The following TET1 variants were observed in gnomAD, a reference collection of about 807,000 sequenced individuals.
TET1 encodes the protein tet methylcytosine dioxygenase 1.
Under a neutral mutation model 148.7 loss-of-function variants are expected in TET1, and 13 were observed. The observed-to-expected ratio is 0.09, with a 90% CI of 0.06 to 0.14. The LOEUF is 0.14. TET1 is among the 10% of genes least tolerant of loss of function. The pLI is 1.00. For missense variants in TET1, 2,182 were observed against 2,553.8 expected, an observed-to-expected ratio of 0.85 and a Z score of 3.14; for synonymous variants, 907 against 937.2, an observed-to-expected ratio of 0.97 and a Z score of 0.59.
At chr10:68,599,427 G>C (rs143091135) in intron 2 of TET1, among the ~76,000 whole-genome samples, 27 of 152,362 alleles carry the variant, frequency 1.8e-4, no homozygotes, top group African/African-American at 6.3e-4. Context: ...CACCACAGCT[G>C]CCCTGCTCTG....
At chr10:68,575,372 G>A (rs2053716211) in intron 2 of TET1, among the ~76,000 whole-genome samples, 3 of 135,534 alleles carry the variant, frequency 2.2e-5, no homozygotes, top group South Asian at 2.3e-4. Flanking sequence ...CCACAAAAGC[G>A]AAACTCTGTC....
intron 8 of TET1, chr10:68,674,765 C>A: frequency 2.0e-6 from 1 of 497,484 alleles, no homozygotes; most frequent in Middle Eastern, 3.2e-4. Flanking sequence ...CAATCAGATA[C>A]GGAAGACCTC....
In TET1 at chr10:68,681,357, G is replaced by A. The variant is rs2133220299; in HGVS notation, c.4825-42G>A. The A allele has an allele frequency of 3.9e-6, 5 of 1,278,620 alleles. 1 individual carries two copies. The South Asian group carries it at 6.1e-5, about 16-fold the overall frequency. The allele number at this position is 1,278,620 out of a possible 1,614,324, so 79.2% of individuals were successfully genotyped here. ...TTCAGTTGTACCTTAAACACATGAA[G>A]GTGCGATTATAAAATACCTAATGGA... On this transcript the variant is annotated intron_variant, in intron 8 of 11. Coordinates refer to ENST00000373644, the MANE Select transcript of TET1 (RefSeq NM_030625.3).
At chr10:68,659,801 T>C (rs2153813) in intron 6 of TET1, among the ~76,000 whole-genome samples, 27,687 of 152,072 alleles carry the variant, frequency 0.18, 3,136 homozygotes, top group African/African-American at 0.31. Flanking sequence ...CCCAGTGAAA[T>C]TGTACAAAGT....
intron 6 of TET1, among the ~76,000 whole-genome samples, chr10:68,655,606 CTAATA>C (rs1379907518): frequency 6.6e-6 from 1 of 152,126 alleles, no homozygotes; most frequent in Non-Finnish European, 1.5e-5. Flanking sequence ...AAAACCTTTT[CTAATA>C]TAATAATAAT....
At chr10:68,621,409 C>A (rs1262987096) in intron 3 of TET1, among the ~76,000 whole-genome samples, 1 of 152,088 alleles carries the variant, frequency 6.6e-6, no homozygotes, top group South Asian at 2.1e-4. Context: ...CGTGGTGAAA[C>A]CCCGTATTTA....
intron 3 of TET1, among the ~76,000 whole-genome samples, chr10:68,615,680 CAG>C (rs1169065715): frequency 6.6e-6 from 1 of 150,966 alleles, no homozygotes; most frequent in African/African-American, 2.4e-5. Context: ...TATTTTGAGA[CAG>C]AGTTTCACTC....
chr10:68,573,974 T>C lies in TET1; in HGVS notation c.1636T>C (p.Ser546Pro). ...AGPSKSDRGS[S>P]QVSVTSTVHV... ...TCCTAGCAAATCAGACAGAGGGAGC[T>C]CCCAGGTCAGTGTAACCAGCACAGT... Residue 546 changes from serine to proline, a missense_variant, in exon 2 of 12, where the codon TCC (serine) becomes CCC (proline). Coordinates refer to ENST00000373644, the MANE Select transcript of TET1 (RefSeq NM_030625.3). 1.2e-6 allele frequency: 2 copies of C among 1,614,126 alleles called. No individual in the cohort carries two copies. The highest frequency in any genetic ancestry group is 1.7e-6 in the Non-Finnish European group (2 of 1,180,024).
chr10:68,662,565 A>G (rs1044889029), intron 6 of TET1, among the ~76,000 whole-genome samples: 1 of 152,188 alleles, frequency 6.6e-6, no homozygotes, highest in African/African-American at 2.4e-5. Context: ...TATGTATAAT[A>G]GACCACATAT....
intron 9 of TET1, 60 bp from the exon 10 acceptor site, chr10:68,682,776 A>T: frequency 2.0e-6 from 3 of 1,538,392 alleles, no homozygotes; most frequent in Non-Finnish European, 2.6e-6. Flanking sequence ...TTTACTCTTT[A>T]CTGAAGGTAG....
intron 4 of TET1, 41 bp downstream of exon 4, chr10:68,647,046 A>G: frequency 6.5e-7 from 1 of 1,547,916 alleles, no homozygotes. Context: ...CACCTGCACA[A>G]ATTACCTCAA....
chr10:68,657,784 TA>T (rs149940782), intron 6 of TET1, among the ~76,000 whole-genome samples: 16,190 of 152,100 alleles, frequency 0.11, 1,057 homozygotes, highest in South Asian at 0.18. Context: ...GCTTAAACTT[TA>T]GGTAGAGGTT....
chr10:68,636,597 C>G (rs1003821096), intron 3 of TET1, among the ~76,000 whole-genome samples: 1 of 152,132 alleles, frequency 6.6e-6, no homozygotes, highest in African/African-American at 2.4e-5. Flanking sequence ...TCCCTTGAGC[C>G]TGAGAGATCG....
chr10:68,687,173 G>T (rs1045310478), intron 11 of TET1, among the ~76,000 whole-genome samples: 3 of 138,164 alleles, frequency 2.2e-5, no homozygotes, highest in East Asian at 4.6e-4. Context: ...AAAGTGCTGG[G>T]ATTACAGGTG....
chr10:68,674,748 A>G, intron 8 of TET1: 1 of 495,322 alleles, frequency 2.0e-6, no homozygotes, highest in Non-Finnish European at 3.9e-6. Flanking sequence ...TTTACTAAAA[A>G]ATGCAACAAT....
At chr10:68,578,302 A>T (rs1011806902) in intron 2 of TET1, among the ~76,000 whole-genome samples, 24 of 152,146 alleles carry the variant, frequency 1.6e-4, no homozygotes, top group Middle Eastern at 3.2e-3. Flanking sequence ...TCTGTCACCC[A>T]GGCTGGAGTG....
At chr10:68,594,021 G>A (rs1017644970) in intron 2 of TET1, among the ~76,000 whole-genome samples, 3 of 140,878 alleles carry the variant, frequency 2.1e-5, no homozygotes, top group Non-Finnish European at 3.0e-5. Flanking sequence ...TGCCTACTGG[G>A]TTCAAGCGAT....
intron 3 of TET1, among the ~76,000 whole-genome samples, chr10:68,603,072 G>A (rs534711242): frequency 1.3e-5 from 2 of 152,266 alleles, no homozygotes; most frequent in Non-Finnish European, 1.5e-5. Flanking sequence ...GTCAGCTTGA[G>A]GTTTTATGAG....
intron 2 of TET1, among the ~76,000 whole-genome samples, chr10:68,583,076 G>A (rs929695193): frequency 1.3e-5 from 2 of 152,126 alleles, no homozygotes; most frequent in African/African-American, 4.8e-5. Flanking sequence ...AGAAAAATTT[G>A]TAAAACTGGC....
Sources: gnomAD v4.1 joint callset for allele counts (sites outside exome capture counted in the v4.1 genomes callset) on GRCh38, gnomAD v4.1.1 for gene constraint, MANE v1.5 for transcripts, NCBI Gene and HGNC (gene_info 2026-07-23, HGNC 2026-07-21) for gene names.